Variants in KCNG3 observed in about 807,000 individuals in gnomAD.
KCNG3 encodes the protein potassium voltage-gated channel modifier subfamily G member 3, also known as voltage-gated potassium channel regulatory subunit KCNG3.
A neutral mutation model predicts 29.0 loss-of-function variants in KCNG3; 15 were observed. That is an observed-to-expected ratio of 0.52 (90% CI 0.35 to 0.80). The LOEUF (loss-of-function observed/expected upper bound fraction) is 0.80. Among genes scored for constraint, KCNG3 ranks in the 30% least tolerant of loss-of-function variants. The pLI, the probability that KCNG3 is intolerant of heterozygous loss-of-function variation, is 0.01. For missense variants in KCNG3, 512 were observed against 605.7 expected (o/e 0.85, Z 1.62); for synonymous variants, 322 against 248.9 (o/e 1.29, Z -2.76).
chr2:42,392,432 C>T, the KCNG3 span, among the ~76,000 whole-genome samples: 2 of 152,144 alleles, frequency 1.3e-5, no homozygotes, highest in African/African-American at 2.4e-5. Flanking sequence ...GTGTCCCCCA[C>T]CTGCTGATTC....
At chr2:42,476,289 T>C (rs544939997) in intron 1 of KCNG3, among the ~76,000 whole-genome samples, 6 of 149,932 alleles carry the variant, frequency 4.0e-5, no homozygotes, top group East Asian at 4.0e-4. Flanking sequence ...CTGGGCAACA[T>C]AGAGAAACCC....
chr2:42,388,499 C>G, the KCNG3 span: 4 of 152,198 alleles, frequency 2.6e-5, no homozygotes, highest in Non-Finnish European at 5.9e-5. Context: ...GCTTAAACAA[C>G]AGGAATGTAT....
At chr2:42,422,289 T>G in the KCNG3 span, among the ~76,000 whole-genome samples, 1 of 151,998 alleles carries the variant, frequency 6.6e-6, no homozygotes, top group Non-Finnish European at 1.5e-5. Context: ...TGAGAGTAGT[T>G]TTCTAATAAA....
At chr2:42,428,792 C>T in the KCNG3 span, among the ~76,000 whole-genome samples, 3 of 152,090 alleles carry the variant, frequency 2.0e-5, no homozygotes, top group Non-Finnish European at 4.4e-5. Context: ...TCAGGTGTCA[C>T]CTGGTTGTGG....
At position 42,444,679 on chromosome 2, in the gene KCNG3, T is replaced by TG; in HGVS notation, c.666-101_666-100insC. The TG allele has an allele frequency of 1.8e-6, 2 of 1,096,188 alleles. No individual in the cohort carries two copies. Among genetic ancestry groups the TG allele is most frequent in the Non-Finnish European group, 2.6e-6 (2 of 763,524 alleles). The allele number at this position is 1,096,188 out of a possible 1,614,324, so 67.9% of individuals were successfully genotyped here. A position where few individuals can be genotyped will look rare whatever the true frequency, so the allele number is the denominator to read the frequency against. On this transcript the variant is annotated intron_variant, in intron 1 of 1. Coordinates refer to ENST00000306078, the MANE Select transcript of KCNG3 (RefSeq NM_133329.6). This position sits in a 1 kb window ranked among gnomAD's most constrained non-coding sequence, Gnocchi z 5.8. Reference sequence around the variant, plus strand: ...GTACTACACTGACATACTAATTCAGTTACTTTTCCAGAAAACATAAAGAAC... The same window carrying TG: ...GTACTACACTGACATACTAATTCAGTGTACTTTTCCAGAAAACATAAAGAAC...
At chr2:42,403,573 G>A in the KCNG3 span, among the ~76,000 whole-genome samples, 2 of 146,370 alleles carry the variant, frequency 1.4e-5, no homozygotes, top group Non-Finnish European at 3.0e-5. Flanking sequence ...TCTGCCTCCT[G>A]GGTTCAAGTG....
intron 1 of KCNG3, among the ~76,000 whole-genome samples, chr2:42,481,996 G>A (rs75202736): frequency 1.1e-4 from 17 of 152,246 alleles, no homozygotes; most frequent in African/African-American, 3.9e-4. Context: ...CTTACATTGT[G>A]TTTTTTCTTT....
In KCNG3 at chr2:42,453,902, G is replaced by A. The variant is rs1236797089; in HGVS notation, c.666-9323C>T. ...ATTTTTTTAATATAGTGAGATAAAG[G>A]GTCTAGTTTCTTTTGCATATGGATG... On this transcript the variant is annotated intron_variant, in intron 1 of 1. Transcript: ENST00000306078. Among the ~76,000 whole-genome samples, 10 of 152,012 alleles carry A rather than the reference G, an allele frequency of 6.6e-5. No homozygotes were observed. In the East Asian group the frequency reaches 1.9e-3, roughly 29 times the overall value.
intron 1 of KCNG3, among the ~76,000 whole-genome samples, chr2:42,457,627 T>TCACACACACACACACACA (rs56251665): frequency 1.3e-3 from 164 of 125,518 alleles, no homozygotes; most frequent in South Asian, 3.6e-3. Context: ...CAGGCAGATC[T>TCACACACACACACACACA]CACACACACA....
chr2:42,434,900 A>G, the KCNG3 span, among the ~76,000 whole-genome samples: 1 of 152,174 alleles, frequency 6.6e-6, no homozygotes, highest in African/African-American at 2.4e-5. Flanking sequence ...GGATATCTAC[A>G]TGCAAAAAAT....
chr2:42,457,880 T>C (rs1672919836), intron 1 of KCNG3, among the ~76,000 whole-genome samples: 1 of 151,958 alleles, frequency 6.6e-6, no homozygotes, highest in Non-Finnish European at 1.5e-5. Flanking sequence ...CCTAGCTACT[T>C]GGGAAGCTGA....
chr2:42,485,252 A>C (rs1179804857), intron 1 of KCNG3, among the ~76,000 whole-genome samples: 3 of 152,182 alleles, frequency 2.0e-5, no homozygotes, highest in Non-Finnish European at 2.9e-5. Context: ...TTAGAAAAAA[A>C]TTTCTAAAGA....
At chr2:42,435,935 C>T in the KCNG3 span, among the ~76,000 whole-genome samples, 1 of 152,182 alleles carries the variant, frequency 6.6e-6, no homozygotes, top group Non-Finnish European at 1.5e-5. Flanking sequence ...ATAATTTGTA[C>T]ATGAATGTCA....
intron 1 of KCNG3, among the ~76,000 whole-genome samples, chr2:42,490,139 C>T (rs1479361828): frequency 6.6e-6 from 1 of 152,218 alleles, no homozygotes; most frequent in Non-Finnish European, 1.5e-5. Flanking sequence ...CCTCTCACTC[C>T]ATCACTGGAC....
chr2:42,414,428 C>A, the KCNG3 span, among the ~76,000 whole-genome samples: 1 of 152,162 alleles, frequency 6.6e-6, no homozygotes, highest in African/African-American at 2.4e-5. Context: ...AATAAGCATA[C>A]TGTTATTCTG....
intron 1 of KCNG3, among the ~76,000 whole-genome samples, chr2:42,460,168 A>C (rs1672981541): frequency 6.6e-6 from 1 of 151,988 alleles, no homozygotes; most frequent in African/African-American, 2.4e-5. Flanking sequence ...GTATGAGACC[A>C]GCATGGACAA....
At chr2:42,492,089 GAAA>G (rs1037316984) in intron 1 of KCNG3, among the ~76,000 whole-genome samples, 7 of 151,488 alleles carry the variant, frequency 4.6e-5, no homozygotes, top group Non-Finnish European at 1.0e-4. Flanking sequence ...TAGTAAAGTA[GAAA>G]AAAAAATTTA....
chr2:42,462,133 T>C (rs1381052001), intron 1 of KCNG3, among the ~76,000 whole-genome samples: 1 of 152,186 alleles, frequency 6.6e-6, no homozygotes, highest in African/African-American at 2.4e-5. Context: ...AGAAGTCCAA[T>C]TTAGATTTTA....
the KCNG3 span, chr2:42,415,538 A>G: frequency 5.3e-5 from 8 of 152,186 alleles, no homozygotes. Flanking sequence ...TGTGGCACAG[A>G]GTTGTGGCCA....
Sources: gnomAD v4.1 joint callset for allele counts (sites outside exome capture counted in the v4.1 genomes callset) on GRCh38, gnomAD v4.1.1 for gene constraint, Gnocchi (gnomAD v3.1) non-coding constraint, MANE v1.5 for transcripts, NCBI Gene and HGNC (gene_info 2026-07-23, HGNC 2026-07-21) for gene names.